The following MTUS2 variants were observed in gnomAD, a reference collection of about 807,000 sequenced individuals.
MTUS2 encodes the protein microtubule associated scaffold protein 2.
A neutral mutation model predicts 114.1 loss-of-function variants in MTUS2; 40 were observed. The observed-to-expected ratio is 0.35, with a 90% CI of 0.27 to 0.46. The LOEUF (loss-of-function observed/expected upper bound fraction) is 0.46, where lower values mean the gene tolerates loss of function less well. Ranked by LOEUF, MTUS2 falls within the 20% of genes least tolerant of loss-of-function variation. MTUS2 has a pLI of 1.00. For missense variants in MTUS2, 1,679 were observed against 1,705.4 expected, an observed-to-expected ratio of 0.98 and a Z score of 0.27; for synonymous variants, 688 against 672.0, an observed-to-expected ratio of 1.02 and a Z score of -0.37.
At position 28,996,193 on chromosome 13, in the gene MTUS2, A is replaced by G. The variant is rs573424159; in HGVS notation, c.-242-28264A>G. On this transcript the variant is annotated intron_variant, in intron 2 of 15. Coordinates refer to ENST00000612955, the MANE Select transcript of MTUS2 (RefSeq NM_001033602.4). ...GTCTTTGGTTCTGTTTATATGCTGG[A>G]TTACATTTATTGATTTTCGTATGTT... Among the ~76,000 whole-genome samples, 4 of 152,238 alleles carry G rather than the reference A, an allele frequency of 2.6e-5. 1 individual carries two copies. The East Asian group carries it at 7.7e-4, about 29-fold the overall frequency.
intron 5 of MTUS2, among the ~76,000 whole-genome samples, chr13:29,144,391 T>C (rs921731462): frequency 7.3e-6 from 1 of 137,040 alleles, no homozygotes; most frequent in Admixed American, 7.5e-5. Context: ...GAGTTGGGGG[T>C]GTTGCTCTGT....
chr13:29,368,545 A>G (rs955371077), intron 8 of MTUS2, among the ~76,000 whole-genome samples: 10 of 152,222 alleles, frequency 6.6e-5, no homozygotes, highest in African/African-American at 2.4e-4. Flanking sequence ...AATATCCTAA[A>G]TTCCCTGATT....
intron 8 of MTUS2, among the ~76,000 whole-genome samples, chr13:29,361,329 C>T (rs1870233793): frequency 6.6e-6 from 1 of 152,198 alleles, no homozygotes; most frequent in African/African-American, 2.4e-5. Context: ...CAACCAGTAA[C>T]TCCAAATGGG....
intron 5 of MTUS2, among the ~76,000 whole-genome samples, chr13:29,257,469 G>C (rs566426933): frequency 6.6e-6 from 1 of 152,286 alleles, no homozygotes; most frequent in Admixed American, 6.5e-5. Flanking sequence ...AATGCGAAAG[G>C]CATCCCAGGT....
chr13:28,877,174 T>C (rs1413833017), intron 2 of MTUS2, among the ~76,000 whole-genome samples: 1 of 150,144 alleles, frequency 6.7e-6, no homozygotes, highest in Non-Finnish European at 1.5e-5. Context: ...AAAAATTAGC[T>C]GGGCGTGGTG....
chr13:29,092,762 A>T (rs1890019206), intron 4 of MTUS2, among the ~76,000 whole-genome samples: 1 of 152,170 alleles, frequency 6.6e-6, no homozygotes, highest in Non-Finnish European at 1.5e-5. Context: ...CTGGCTGGCA[A>T]AGTGACAGAA....
At chr13:29,377,960 G>A (rs932082442) in intron 8 of MTUS2, among the ~76,000 whole-genome samples, 8 of 152,188 alleles carry the variant, frequency 5.3e-5, no homozygotes, top group African/African-American at 1.9e-4. Context: ...TGGGCTGTTG[G>A]TATACAGAAC....
chr13:29,091,084 C>G (rs75578505), intron 4 of MTUS2, among the ~76,000 whole-genome samples: 3,786 of 152,146 alleles, frequency 0.025, 170 homozygotes, highest in African/African-American at 0.086. Flanking sequence ...CCAACCTCCT[C>G]CTCATCAGCC....
chr13:29,012,415 A>C (rs894333442), intron 2 of MTUS2, among the ~76,000 whole-genome samples: 15 of 152,186 alleles, frequency 9.9e-5, no homozygotes, highest in Non-Finnish European at 1.8e-4. Context: ...CACATTGCAG[A>C]GGAGAATAAG....
At position 29,025,782 on chromosome 13, in the gene MTUS2, C is replaced by A; in HGVS notation, c.1084C>A (p.His362Asn). 6.2e-7 allele frequency: 1 copy of A among 1,613,988 alleles called. No homozygotes were observed. The highest frequency in any genetic ancestry group is 1.3e-5 in the African/African-American group (1 of 75,038). The change falls in exon 3 of 16, where the codon CAT becomes AAT. Residue 362 changes from histidine (H) to asparagine (N), a missense_variant. This residue lies in a region of MTUS2 where 843 missense variants were observed against 770.8 expected (regional missense o/e 1.09). Transcript: ENST00000612955. ...AHPEATDALG[H>N]LLNSDLHHLG... ...CCCGGAAGCCACCGATGCACTTGGC[C>A]ATCTGCTGAACAGTGACCTCCACCA... is the stretch of plus-strand genomic sequence containing the variant.
intron 7 of MTUS2, among the ~76,000 whole-genome samples, chr13:29,337,783 G>A (rs1901152621): frequency 1.5e-5 from 2 of 130,992 alleles, no homozygotes; most frequent in African/African-American, 6.6e-5. Context: ...TTGTTTGTTT[G>A]TTTGTTTTGG....
intron 3 of MTUS2, among the ~76,000 whole-genome samples, chr13:29,029,400 C>A (rs1886712558): frequency 6.6e-6 from 1 of 152,232 alleles, no homozygotes; most frequent in African/African-American, 2.4e-5. Context: ...GAACAAATTG[C>A]CCTTCTGGAT....
intron 6 of MTUS2, among the ~76,000 whole-genome samples, chr13:29,313,122 G>A (rs1899841730): frequency 6.6e-6 from 1 of 152,138 alleles, no homozygotes; most frequent in African/African-American, 2.4e-5. Context: ...GTAAAGCTGT[G>A]GCCCCAGAGC....
At chr13:29,099,363 C>A (rs971145020) in intron 4 of MTUS2, among the ~76,000 whole-genome samples, 1 of 152,314 alleles carries the variant, frequency 6.6e-6, no homozygotes, top group South Asian at 2.1e-4. Flanking sequence ...AGTCCTGACT[C>A]AGGCATCAGG....
intron 8 of MTUS2, among the ~76,000 whole-genome samples, chr13:29,374,593 A>T (rs191253060): frequency 1.5e-3 from 223 of 152,328 alleles, no homozygotes; most frequent in African/African-American, 5.2e-3. Flanking sequence ...GTGAAAATAT[A>T]CTTTATAAAT....
chr13:29,187,551 G>A (rs542342517), intron 5 of MTUS2, among the ~76,000 whole-genome samples: 31 of 152,254 alleles, frequency 2.0e-4, no homozygotes, highest in Middle Eastern at 6.8e-3. Flanking sequence ...AGATGTTTGT[G>A]AAGCTATTAT....
intron 9 of MTUS2, among the ~76,000 whole-genome samples, chr13:29,470,891 C>A (rs1488536185): frequency 1.3e-5 from 2 of 152,200 alleles, no homozygotes. Flanking sequence ...TCTCCACATT[C>A]TTCTCTGTCA....
At chr13:29,431,073 T>C (rs1170639242) in intron 8 of MTUS2, among the ~76,000 whole-genome samples, 2 of 152,204 alleles carry the variant, frequency 1.3e-5, no homozygotes, top group Non-Finnish European at 2.9e-5. Context: ...TTGATCATAG[T>C]GCAGCTAAAG....
intron 8 of MTUS2, among the ~76,000 whole-genome samples, chr13:29,395,945 T>G (rs1873882562): frequency 6.6e-6 from 1 of 152,184 alleles, no homozygotes; most frequent in Non-Finnish European, 1.5e-5. Flanking sequence ...CTGTCAGGTT[T>G]GAAATGAAAT....
Sources: gnomAD v4.1 joint callset for allele counts (sites outside exome capture counted in the v4.1 genomes callset) on GRCh38, gnomAD v4.1.1 for gene constraint, gnomAD v4.1.1 regional missense constraint, MANE v1.5 for transcripts, NCBI Gene and HGNC (gene_info 2026-07-23, HGNC 2026-07-21) for gene names.